PTPRR: variants seen among roughly 807,000 people sequenced by gnomAD.
PTPRR encodes protein tyrosine phosphatase receptor type R, also known as receptor-type tyrosine-protein phosphatase R.
Under a neutral mutation model 77.2 loss-of-function variants are expected in PTPRR, and 38 were observed. That is an observed-to-expected ratio of 0.49 (90% CI 0.38 to 0.65). The LOEUF is 0.65. Ranked by LOEUF, PTPRR falls within the 30% of genes least tolerant of loss-of-function variation. PTPRR has a pLI of 0.00. For synonymous variants in PTPRR, 299 were observed against 283.1 expected (o/e 1.06, Z -0.57); for missense variants, 744 against 799.2 (o/e 0.93, Z 0.83).
In PTPRR at chr12:70,754,220, T is replaced by G; in HGVS notation, c.709A>C (p.Ile237Leu). 1 of 1,613,550 alleles carries G rather than the reference T, an allele frequency of 6.2e-7. No individual in the cohort carries two copies. Among genetic ancestry groups the G allele is most frequent in the Non-Finnish European group, 8.5e-7 (1 of 1,179,742 alleles). The change falls in exon 5 of 14, where the codon ATC becomes CTC. Residue 237 changes from isoleucine to leucine, a missense_variant. Around this residue, in one of 3 missense-constraint regions of PTPRR, gnomAD observed 570 missense variants for 573.2 expected, o/e 0.99. Coordinates refer to ENST00000283228, the MANE Select transcript of PTPRR (RefSeq NM_002849.4). The stretch of plus-strand genomic sequence containing the variant: ...AAACACGTTACTATAATAACAAAGA[T>G]GCTGAGAAAAATGACAACAGCATAA... ...GFYAVVIFLS[I>L]FVIIVTCLMI...
chr12:70,737,522 C>CTATCTATA (rs1555171451), intron 6 of PTPRR, among the ~76,000 whole-genome samples: 2 of 151,622 alleles, frequency 1.3e-5, no homozygotes, highest in Admixed American at 1.3e-4. Context: ...ATCTATCTAT[C>CTATCTATA]TATCTATCTA....
At chr12:70,781,206 C>G (rs1440185765) in intron 2 of PTPRR, among the ~76,000 whole-genome samples, 2 of 152,094 alleles carry the variant, frequency 1.3e-5, no homozygotes, top group African/African-American at 4.8e-5. Flanking sequence ...ACCAAAAAGT[C>G]AGACAAAAAA....
At chr12:70,639,977 G>A (rs1380509079) in intron 13 of PTPRR, among the ~76,000 whole-genome samples, 1 of 152,114 alleles carries the variant, frequency 6.6e-6, no homozygotes, top group African/African-American at 2.4e-5. Flanking sequence ...CCTTAAATGA[G>A]TTGGAAAAAG....
chr12:70,695,182 GT>G (rs1247804516), intron 8 of PTPRR, among the ~76,000 whole-genome samples: 68 of 152,188 alleles, frequency 4.5e-4, no homozygotes, highest in African/African-American at 1.6e-3. Context: ...TTGCTATTAT[GT>G]ACAAGCTGTC....
At chr12:70,898,448 C>CT (rs576856366) in intron 1 of PTPRR, among the ~76,000 whole-genome samples, 2 of 149,264 alleles carry the variant, frequency 1.3e-5, no homozygotes, top group Non-Finnish European at 3.0e-5. Context: ...ATCATTTAGT[C>CT]TTTTTTTAAC....
At chr12:70,673,504 T>C (rs772500508) in intron 10 of PTPRR, among the ~76,000 whole-genome samples, 30 of 152,214 alleles carry the variant, frequency 2.0e-4, no homozygotes, top group Non-Finnish European at 3.8e-4. Flanking sequence ...AACACTAAAT[T>C]GCATGTAATA....
chr12:70,842,704 A>T (rs1191086825), intron 2 of PTPRR, among the ~76,000 whole-genome samples: 1 of 152,188 alleles, frequency 6.6e-6, no homozygotes, highest in Non-Finnish European at 1.5e-5. Context: ...TTGGATTGAG[A>T]GCTTTCCAGG....
chr12:70,826,444 C>G lies in PTPRR; in HGVS notation c.358-61666G>C, dbSNP rs142932861. Among the ~76,000 whole-genome samples, 7 of 152,264 alleles carry G rather than the reference C, an allele frequency of 4.6e-5. No homozygotes were observed. The South Asian group carries it at 1.2e-3, about 27-fold the overall frequency. On this transcript the variant is annotated intron_variant, in intron 2 of 13. Transcript: ENST00000283228. Reference sequence around the variant, plus strand: ...ACTGCTGCCTTATCTGCTCCCAACCCCTTCTGGGAACTCCTTGAAATTGCT... The same window carrying G: ...ACTGCTGCCTTATCTGCTCCCAACCGCTTCTGGGAACTCCTTGAAATTGCT...
chr12:70,904,434 G>A (rs1016286907), intron 1 of PTPRR, among the ~76,000 whole-genome samples: 4 of 151,858 alleles, frequency 2.6e-5, no homozygotes, highest in South Asian at 2.1e-4. Flanking sequence ...TAAGTTGAGC[G>A]AAAGAAGCCA....
At chr12:70,881,966 G>A (rs1893156552) in intron 2 of PTPRR, among the ~76,000 whole-genome samples, 1 of 152,152 alleles carries the variant, frequency 6.6e-6, no homozygotes, top group Admixed American at 6.6e-5. Context: ...CTCTTCTAAA[G>A]TATTGGGTGT....
rs537139619 is a variant in PTPRR at position 70,683,616 on chromosome 12, C to T, written c.1497+511G>A. ...GCCTGGTATACCCATTCCACTTAGC[C>T]TGCTCTACTTTCTTTCCTATAGCAT... is the stretch of plus-strand genomic sequence containing the variant. On this transcript the variant is annotated intron_variant, in intron 10 of 13. Coordinates refer to ENST00000283228, the MANE Select transcript of PTPRR (RefSeq NM_002849.4). Among the ~76,000 whole-genome samples, 3 of 152,254 alleles carry T rather than the reference C, an allele frequency of 2.0e-5. No homozygotes were observed. The South Asian group carries it at 6.2e-4, about 32-fold the overall frequency.
At chr12:70,764,597 C>T (rs549426643) in intron 3 of PTPRR, 68 bp downstream of exon 3, 2 of 1,265,000 alleles carry the variant, frequency 1.6e-6, no homozygotes, top group Admixed American at 3.4e-5. Flanking sequence ...ATAGCATGAG[C>T]CCTTTAGTGA....
chr12:70,742,504 G>C (rs1376875954), intron 6 of PTPRR, among the ~76,000 whole-genome samples: 1 of 152,082 alleles, frequency 6.6e-6, no homozygotes, highest in African/African-American at 2.4e-5. Flanking sequence ...AGTCCAAGGG[G>C]GTGTTTAGCA....
chr12:70,879,090 C>T (rs571002780), intron 2 of PTPRR, among the ~76,000 whole-genome samples: 20 of 151,816 alleles, frequency 1.3e-4, no homozygotes, highest in Middle Eastern at 3.4e-3. Flanking sequence ...CATCACACAC[C>T]AGGGCCTGTT....
chr12:70,695,188 G>A (rs1450575462), intron 8 of PTPRR, among the ~76,000 whole-genome samples: 1 of 152,108 alleles, frequency 6.6e-6, no homozygotes, highest in African/African-American at 2.4e-5. Flanking sequence ...TTATGTACAA[G>A]CTGTCAAGCT....
intron 2 of PTPRR, among the ~76,000 whole-genome samples, chr12:70,825,760 T>C (rs1037577825): frequency 1.3e-5 from 2 of 152,216 alleles, no homozygotes; most frequent in Non-Finnish European, 2.9e-5. Flanking sequence ...AGTGTGTCTT[T>C]ACCATCTTAT....
chr12:70,847,034 G>C (rs1300041213), intron 2 of PTPRR, among the ~76,000 whole-genome samples: 3 of 152,046 alleles, frequency 2.0e-5, no homozygotes, highest in Admixed American at 6.6e-5. Context: ...ACATCCTAGT[G>C]CCTGACATCT....
At chr12:70,802,300 T>C (rs1372300574) in intron 2 of PTPRR, among the ~76,000 whole-genome samples, 5 of 152,204 alleles carry the variant, frequency 3.3e-5, no homozygotes, top group African/African-American at 1.2e-4. Context: ...TTTTCACAGA[T>C]GTCTTTTCAT....
intron 6 of PTPRR, among the ~76,000 whole-genome samples, chr12:70,728,425 A>C (rs1889527454): frequency 7.0e-6 from 1 of 143,622 alleles, no homozygotes; most frequent in South Asian, 2.2e-4. Flanking sequence ...ATACAGGGAT[A>C]CTCAACCTGT....
Sources: gnomAD v4.1 joint callset for allele counts (sites outside exome capture counted in the v4.1 genomes callset) on GRCh38, gnomAD v4.1.1 for gene constraint, gnomAD v4.1.1 regional missense constraint, MANE v1.5 for transcripts, NCBI Gene and HGNC (gene_info 2026-07-23, HGNC 2026-07-21) for gene names.